AUTS2: variants seen among roughly 807,000 people sequenced by gnomAD.
AUTS2 encodes autism susceptibility gene 2 protein.
AUTS2 carries 17 observed loss-of-function variants against 112.4 expected under a neutral mutation model. That is an observed-to-expected ratio of 0.15 (90% CI 0.10 to 0.23). The LOEUF is 0.23. AUTS2 is among the 10% of genes least tolerant of loss of function. The pLI, the probability that AUTS2 is intolerant of heterozygous loss-of-function variation, is 1.00. For synonymous variants in AUTS2, 751 were observed against 702.7 expected (o/e 1.07, Z -1.09); for missense variants, 1,510 against 1,701.6 (o/e 0.89, Z 1.98).
chr7:70,024,771 A>T (rs1176662378), intron 2 of AUTS2, among the ~76,000 whole-genome samples: 1 of 152,144 alleles, frequency 6.6e-6, no homozygotes, highest in Non-Finnish European at 1.5e-5. Context: ...TGCAGTCTTG[A>T]GGCAAAATCT....
chr7:70,608,910 G>A (rs1001997527), intron 5 of AUTS2, among the ~76,000 whole-genome samples: 2 of 152,108 alleles, frequency 1.3e-5, no homozygotes, highest in Non-Finnish European at 2.9e-5. Context: ...CTAAGTTCTG[G>A]CCAATGGTTA....
chr7:70,765,114 T>A, intron 8 of AUTS2, 109 bp downstream of exon 8: 1 of 1,434,080 alleles, frequency 7.0e-7, no homozygotes, highest in South Asian at 1.4e-5. Context: ...CTACAATTTT[T>A]TCCTTCCTTA....
rs1057037207 is a variant in AUTS2 at position 70,613,847 on chromosome 7, T to C, written c.691-84722T>C. Among the ~76,000 whole-genome samples the C allele has an allele frequency of 2.0e-5, 3 of 152,232 alleles. 1 individual carries two copies. The highest frequency in any genetic ancestry group is 4.4e-5 in the Non-Finnish European group (3 of 68,050). ...CTAGTTAATCACTCTTGTGGTCAAA[T>C]TGGGCTTCAGTGTGCACCTGCCTAC... On this transcript the variant is annotated intron_variant, in intron 5 of 18. Transcript: ENST00000342771.
chr7:70,092,023 C>T (rs1001264951), intron 2 of AUTS2, among the ~76,000 whole-genome samples: 1 of 119,238 alleles, frequency 8.4e-6, no homozygotes, highest in African/African-American at 3.4e-5. Context: ...GACAGGCAAT[C>T]GTCATATCCC....
At chr7:69,811,782 T>C (rs1458277875) in intron 1 of AUTS2, among the ~76,000 whole-genome samples, 2 of 152,188 alleles carry the variant, frequency 1.3e-5, no homozygotes, top group Non-Finnish European at 2.9e-5. Context: ...GCTTCTATTA[T>C]AGCTCTTATC....
intron 1 of AUTS2, among the ~76,000 whole-genome samples, chr7:69,850,819 G>T (rs1023436759): frequency 3.3e-5 from 5 of 152,140 alleles, no homozygotes; most frequent in Non-Finnish European, 7.3e-5. Context: ...ATTATAACAG[G>T]ATGCTTTGCA....
At chr7:70,073,610 T>C (rs908984463) in intron 2 of AUTS2, among the ~76,000 whole-genome samples, 3 of 152,194 alleles carry the variant, frequency 2.0e-5, no homozygotes, top group South Asian at 2.1e-4. Context: ...TTATGTATTA[T>C]TGGCAGATTA....
At chr7:70,039,917 C>T (rs1311409488) in intron 2 of AUTS2, among the ~76,000 whole-genome samples, 1 of 152,172 alleles carries the variant, frequency 6.6e-6, no homozygotes, top group Admixed American at 6.5e-5. Flanking sequence ...TTCATTCAAA[C>T]ATCATCTCTT....
At chr7:70,324,935 G>T (rs556145258) in intron 4 of AUTS2, among the ~76,000 whole-genome samples, 1 of 151,860 alleles carries the variant, frequency 6.6e-6, no homozygotes, top group East Asian at 2.0e-4. Context: ...GAGTCAAAAA[G>T]ACCCAAAAGC....
At chr7:69,664,461 A>G (rs1250929277) in intron 1 of AUTS2, among the ~76,000 whole-genome samples, 2 of 152,218 alleles carry the variant, frequency 1.3e-5, no homozygotes, top group Non-Finnish European at 2.9e-5. Flanking sequence ...AACTGTTTTA[A>G]TTAAAATTGT....
intron 5 of AUTS2, among the ~76,000 whole-genome samples, chr7:70,677,955 C>CG (rs1228079762): frequency 3.3e-5 from 5 of 152,100 alleles, no homozygotes; most frequent in Middle Eastern, 3.4e-3. Context: ...TGGTGGCGGG[C>CG]CCTGTAGTCC....
chr7:70,249,646 CAG>C (rs1246171594), intron 4 of AUTS2, among the ~76,000 whole-genome samples: 2 of 151,994 alleles, frequency 1.3e-5, no homozygotes, highest in Non-Finnish European at 2.9e-5. Context: ...ACCTGACTCT[CAG>C]GGAACCAGAA....
At chr7:70,511,693 A>G (rs926327944) in intron 5 of AUTS2, among the ~76,000 whole-genome samples, 3 of 148,690 alleles carry the variant, frequency 2.0e-5, no homozygotes, top group Non-Finnish European at 4.4e-5. Flanking sequence ...CTCCTGCCTC[A>G]GCCTCCCAAA....
intron 5 of AUTS2, among the ~76,000 whole-genome samples, chr7:70,686,657 C>G (rs1170481500): frequency 6.6e-6 from 1 of 151,874 alleles, no homozygotes; most frequent in Non-Finnish European, 1.5e-5. Flanking sequence ...CAGCCTCCCC[C>G]GAGAAGCTGG....
intron 5 of AUTS2, among the ~76,000 whole-genome samples, chr7:70,508,632 A>G (rs893182686): frequency 2.6e-5 from 4 of 152,204 alleles, no homozygotes; most frequent in Non-Finnish European, 5.9e-5. Flanking sequence ...GAGTGTCTTC[A>G]TTCAGAACAG....
chr7:69,722,016 T>A (rs1224526044), intron 1 of AUTS2, among the ~76,000 whole-genome samples: 1 of 135,764 alleles, frequency 7.4e-6, no homozygotes, highest in African/African-American at 2.7e-5. Flanking sequence ...AGCAGGGAAG[T>A]AGCAATATCC....
chr7:70,391,158 G>A lies in AUTS2; in HGVS notation c.661-44594G>A, dbSNP rs114396331. On this transcript the variant is annotated intron_variant, in intron 4 of 18. Coordinates refer to ENST00000342771, the MANE Select transcript of AUTS2 (RefSeq NM_015570.4). ...CCTGGTATCAGTACCTTCTTACAGC[G>A]CCTCAGTAATTCACATTTGCAGCCA... 9.5e-3 allele frequency among the ~76,000 whole-genome samples: 1,445 copies of A among 152,262 alleles called. 32 individuals carry two copies. The highest frequency in any genetic ancestry group is 0.033 in the African/African-American group (1,380 of 41,526).
chr7:70,212,986 C>T (rs937780822), intron 4 of AUTS2, among the ~76,000 whole-genome samples: 5 of 151,932 alleles, frequency 3.3e-5, no homozygotes, highest in Non-Finnish European at 7.4e-5. Flanking sequence ...CTATACTTAA[C>T]AATAGTATGT....
At chr7:69,968,753 C>G (rs1002195089) in intron 2 of AUTS2, among the ~76,000 whole-genome samples, 1 of 152,044 alleles carries the variant, frequency 6.6e-6, no homozygotes, top group East Asian at 1.9e-4. Context: ...TCTTTATACT[C>G]CTTATGATTA....
Sources: allele counts gnomAD v4.1 joint callset (sites outside exome capture counted in the v4.1 genomes callset), GRCh38; gene constraint gnomAD v4.1.1; transcripts MANE v1.5; gene names NCBI Gene and HGNC (gene_info 2026-07-23, HGNC 2026-07-21).